The following GAB1 variants were observed in gnomAD, a reference collection of about 807,000 sequenced individuals.
GAB1 encodes the protein GRB2 associated binding protein 1.
In GAB1, 19 loss-of-function variants were observed where a neutral mutation model predicts 66.5. The ratio of observed to expected loss-of-function variants is 0.29; its 90% CI spans 0.20 to 0.42. The LOEUF (loss-of-function observed/expected upper bound fraction) is 0.42, where lower values mean the gene tolerates loss of function less well. Among genes scored for constraint, GAB1 ranks in the 10% least tolerant of loss-of-function variants. The pLI is 1.00. For missense variants in GAB1, 732 were observed against 858.5 expected (o/e 0.85, Z 1.84); for synonymous variants, 294 against 301.4 (o/e 0.98, Z 0.25).
intron 1 of GAB1, among the ~76,000 whole-genome samples, chr4:143,406,564 T>G (rs574559653): frequency 6.6e-6 from 1 of 152,316 alleles, no homozygotes; most frequent in Non-Finnish European, 1.5e-5. Flanking sequence ...AAAGCCAGTC[T>G]CAAAAGATGG....
intron 1 of GAB1, among the ~76,000 whole-genome samples, chr4:143,398,243 G>T (rs1731558806): frequency 6.6e-6 from 1 of 152,206 alleles, no homozygotes; most frequent in Non-Finnish European, 1.5e-5. Flanking sequence ...CCATACTAAT[G>T]CACTTCTATG....
Position 143,337,121 on chromosome 4 carries a change from G to T in GAB1, c.-68G>T. On this transcript the variant is annotated 5_prime_UTR_variant, in exon 1 of 10. Transcript: ENST00000262994. Reference sequence around the variant, plus strand: ...TCTCGCCACTGCGCGCTCGGCAGGCGTCGGCTGTGTCGGGAGCGCGCCCGC... The same window carrying T: ...TCTCGCCACTGCGCGCTCGGCAGGCTTCGGCTGTGTCGGGAGCGCGCCCGC... 7.1e-7 allele frequency: 1 copy of T among 1,410,034 alleles called. No homozygotes were observed. Among genetic ancestry groups the T allele is most frequent in the Non-Finnish European group, 9.7e-7 (1 of 1,026,260 alleles). 87.3% of individuals were successfully genotyped at this position (1,410,034 alleles called of 1,614,324 possible). A position where few individuals can be genotyped will look rare whatever the true frequency, so the allele number is the denominator to read the frequency against.
chr4:143,416,255 A>C (rs1273666248), intron 2 of GAB1, among the ~76,000 whole-genome samples: 2 of 152,146 alleles, frequency 1.3e-5, no homozygotes, highest in South Asian at 2.1e-4. Flanking sequence ...AATACAAAAA[A>C]AAATTAGCCG....
chr4:143,470,583 G>A lies in GAB1; in HGVS notation c.*1394G>A, dbSNP rs1736027799. 1 of 152,202 alleles carries A rather than the reference G, an allele frequency of 6.6e-6. No homozygotes were observed. The highest frequency in any genetic ancestry group is 2.1e-4 in the South Asian group (1 of 4,832). 9.4% of individuals were successfully genotyped at this position (152,202 alleles called of 1,614,324 possible). A position where few individuals can be genotyped will look rare whatever the true frequency, so the allele number is the denominator to read the frequency against. On this transcript the variant is annotated 3_prime_UTR_variant, in exon 10 of 10. Transcript: ENST00000262994. ...AGTGAGGCTACAATTATATTCGTCT[G>A]TCTTGGCTTTGCAACATAATTTAGA... is the stretch of plus-strand genomic sequence containing the variant.
chr4:143,353,042 TTGTAGGTATCTGTTTAAAAAAGAA>T (rs1163949880), intron 1 of GAB1, among the ~76,000 whole-genome samples: 2 of 152,066 alleles, frequency 1.3e-5, no homozygotes, highest in African/African-American at 4.8e-5. Flanking sequence ...AGAAAGTGTT[TTGTAGGTATCTGTTTAAAAAAGAA>T]TGTGCATTCC....
chr4:143,421,073 T>C (rs1052141884), intron 2 of GAB1, among the ~76,000 whole-genome samples: 13 of 152,222 alleles, frequency 8.5e-5, no homozygotes, highest in African/African-American at 2.9e-4. Flanking sequence ...GAAAGTTTTC[T>C]CATGCCTCTT....
chr4:143,402,056 AG>A (rs1314676049), intron 1 of GAB1, among the ~76,000 whole-genome samples: 1 of 137,198 alleles, frequency 7.3e-6, no homozygotes, highest in Non-Finnish European at 1.7e-5. Flanking sequence ...TTATGTTTGC[AG>A]GGTTTTTTTT....
At chr4:143,457,772 A>C (rs892725091) in intron 6 of GAB1, 2 of 1,513,792 alleles carry the variant, frequency 1.3e-6, no homozygotes, top group Non-Finnish European at 1.8e-6. Flanking sequence ...AAGAAAGGGT[A>C]TGTACTTTAG....
chr4:143,441,958 T>A (rs952384053), intron 6 of GAB1, among the ~76,000 whole-genome samples: 1 of 152,236 alleles, frequency 6.6e-6, no homozygotes, highest in Non-Finnish European at 1.5e-5. Flanking sequence ...CAGTCTGCCC[T>A]GGCAGCAGGG....
chr4:143,344,389 C>G (rs1728924788), intron 1 of GAB1, among the ~76,000 whole-genome samples: 1 of 152,194 alleles, frequency 6.6e-6, no homozygotes, highest in Admixed American at 6.5e-5. Flanking sequence ...AGTTAGAGCT[C>G]CATCTGAATT....
intron 6 of GAB1, among the ~76,000 whole-genome samples, chr4:143,448,108 A>G (rs377400260): frequency 2.0e-5 from 3 of 151,894 alleles, no homozygotes; most frequent in African/African-American, 4.9e-5. Flanking sequence ...ATTTGCATAT[A>G]TTGAACCAGC....
At chr4:143,403,501 A>G (rs938916625) in intron 1 of GAB1, among the ~76,000 whole-genome samples, 1 of 152,232 alleles carries the variant, frequency 6.6e-6, no homozygotes, top group African/African-American at 2.4e-5. Flanking sequence ...TGAAAACAAA[A>G]AGAAATAAAT....
chr4:143,342,687 A>T (rs1043877704), intron 1 of GAB1, among the ~76,000 whole-genome samples: 6 of 150,612 alleles, frequency 4.0e-5, no homozygotes, highest in African/African-American at 1.5e-4. Flanking sequence ...CCTCCCAAGT[A>T]GCTGGGATTA....
chr4:143,402,241 A>T (rs1365367489), intron 1 of GAB1, among the ~76,000 whole-genome samples: 1 of 152,232 alleles, frequency 6.6e-6, no homozygotes, highest in Non-Finnish European at 1.5e-5. Flanking sequence ...TAATAATCTT[A>T]GTATAACTGC....
At chr4:143,410,341 T>C (rs924407637) in intron 1 of GAB1, among the ~76,000 whole-genome samples, 2 of 152,188 alleles carry the variant, frequency 1.3e-5, no homozygotes, top group Admixed American at 1.3e-4. Flanking sequence ...GCTAGTTAGG[T>C]TAATTAGGCA....
intron 2 of GAB1, among the ~76,000 whole-genome samples, chr4:143,430,498 G>A (rs28771087): frequency 0.016 from 2,443 of 152,202 alleles, 70 homozygotes; most frequent in African/African-American, 0.055. Context: ...TGCTCCAGGA[G>A]CCCTCTGTAG....
chr4:143,359,017 A>G (rs1333420872), intron 1 of GAB1, among the ~76,000 whole-genome samples: 1 of 152,204 alleles, frequency 6.6e-6, no homozygotes, highest in Non-Finnish European at 1.5e-5. Context: ...TACATATTGT[A>G]TAATCCAGAC....
rs9760234 is a variant in GAB1 at position 143,421,702 on chromosome 4, T to C, written c.367+5931T>C. Among the ~76,000 whole-genome samples the C allele has an allele frequency of 2.3e-3, 291 of 127,956 alleles. 1 individual carries two copies. The highest frequency in any genetic ancestry group is 0.011 in the African/African-American group (272 of 25,028). The allele number at this position is 127,956 out of a possible 152,430, so 83.9% of individuals were successfully genotyped here. On this transcript the variant is annotated intron_variant, in intron 2 of 9. Coordinates refer to ENST00000262994, the MANE Select transcript of GAB1 (RefSeq NM_002039.4). ...TTTTTTCTTTTCTTTTCTTTTCTTT[T>C]TTTTTTTTTTTGCATATTTCCAAGC... is the stretch of plus-strand genomic sequence containing the variant.
chr4:143,449,638 G>T (rs1361333493), intron 6 of GAB1, among the ~76,000 whole-genome samples: 1 of 151,906 alleles, frequency 6.6e-6, no homozygotes, highest in Admixed American at 6.6e-5. Flanking sequence ...TTTTCCATTT[G>T]CTTGGTAGAT....
Sources: allele counts gnomAD v4.1 joint callset (sites outside exome capture counted in the v4.1 genomes callset), GRCh38; gene constraint gnomAD v4.1.1; transcripts MANE v1.5; gene names NCBI Gene and HGNC (gene_info 2026-07-23, HGNC 2026-07-21).